DUSP22: variants seen among roughly 807,000 people sequenced by gnomAD.
The protein encoded by DUSP22 is dual specificity protein phosphatase 22.
Under a neutral mutation model 24.5 loss-of-function variants are expected in DUSP22, and 24 were observed. That is an observed-to-expected ratio of 0.98 (90% confidence interval 0.71 to 1.38). DUSP22 has a LOEUF of 1.38. DUSP22 is among the 40% of genes most tolerant of loss of function. DUSP22 has a pLI of 0.00. For missense variants in DUSP22, 330 were observed against 269.2 expected, an observed-to-expected ratio of 1.23 and a Z score of -1.58; for synonymous variants, 160 against 106.4, an observed-to-expected ratio of 1.50 and a Z score of -3.10.
intron 2 of DUSP22, among the ~76,000 whole-genome samples, chr6:307,794 C>T (rs900303042): frequency 2.0e-5 from 3 of 152,298 alleles, no homozygotes; most frequent in African/African-American, 4.8e-5. Context: ...AGACCATGTT[C>T]GCAGTCTTGA....
At chr6:306,409 T>A (rs112566857) in intron 2 of DUSP22, among the ~76,000 whole-genome samples, 2,122 of 151,662 alleles carry the variant, frequency 0.014, no homozygotes, top group African/African-American at 0.05. Flanking sequence ...CTACAAGCTA[T>A]ACCTGTTTTC....
At chr6:323,983 G>C (rs1254249262) in intron 3 of DUSP22, among the ~76,000 whole-genome samples, 1 of 152,304 alleles carries the variant, frequency 6.6e-6, no homozygotes, top group Non-Finnish European at 1.5e-5. Flanking sequence ...TCCACCCTAT[G>C]CCCTGAAGAA....
chr6:339,593 C>T (rs979917217), intron 4 of DUSP22, among the ~76,000 whole-genome samples: 1 of 152,280 alleles, frequency 6.6e-6, no homozygotes, highest in Non-Finnish European at 1.5e-5. Flanking sequence ...TGATCTCTGC[C>T]AGGCTATGGA....
chr6:348,194 C>G lies in DUSP22; in HGVS notation c.355C>G (p.Arg119Gly), dbSNP rs373816873. 2 of 1,614,306 alleles carry G rather than the reference C, an allele frequency of 1.2e-6. No individual in the cohort carries two copies. The highest frequency in any genetic ancestry group is 1.7e-6 in the Non-Finnish European group (2 of 1,180,054). Reference protein sequence around the residue: ...FGWEDALHTVRAGRSCANPNV... With the variant: ...FGWEDALHTVGAGRSCANPNV... ...CTGGGAGGATGCCCTGCACACCGTGCGTGCTGGGAGATCCTGTGCCAACCC... is the reference window on the plus strand; with the variant it reads ...CTGGGAGGATGCCCTGCACACCGTGGGTGCTGGGAGATCCTGTGCCAACCC... The change falls in exon 6 of 7, where the codon CGT becomes GGT. Residue 119 changes from arginine to glycine, a missense_variant. Coordinates refer to ENST00000419235, the MANE Select transcript of DUSP22 (RefSeq NM_001286555.3).
At chr6:331,521 G>A (rs868867955) in intron 3 of DUSP22, among the ~76,000 whole-genome samples, 21 of 152,404 alleles carry the variant, frequency 1.4e-4, no homozygotes, top group African/African-American at 2.4e-4. Context: ...CTTCAAAACC[G>A]GAGAGTGGTC....
chr6:307,852 C>G (rs1757882577), intron 2 of DUSP22, among the ~76,000 whole-genome samples: 1 of 152,298 alleles, frequency 6.6e-6, no homozygotes. Flanking sequence ...TGGTGGGTAC[C>G]CAGTTGTTTG....
chr6:319,531 G>T (rs1561661300), intron 3 of DUSP22, among the ~76,000 whole-genome samples: 1 of 152,306 alleles, frequency 6.6e-6, no homozygotes, highest in Non-Finnish European at 1.5e-5. Flanking sequence ...TGAATGATTG[G>T]ACACAAAATG....
chr6:297,160 G>T (rs1264866859), intron 1 of DUSP22, among the ~76,000 whole-genome samples: 7 of 152,300 alleles, frequency 4.6e-5, no homozygotes, highest in Non-Finnish European at 1.0e-4. Flanking sequence ...CTAAGCTTCA[G>T]GATTTTTTTC....
chr6:319,721 G>A (rs1160992731), intron 3 of DUSP22, among the ~76,000 whole-genome samples: 1 of 152,304 alleles, frequency 6.6e-6, no homozygotes, highest in African/African-American at 2.4e-5. Flanking sequence ...ACCAGTTGCT[G>A]TTTGACCTGG....
chr6:306,973 T>G (rs1209801354), intron 2 of DUSP22, among the ~76,000 whole-genome samples: 3 of 152,424 alleles, frequency 2.0e-5, no homozygotes, highest in South Asian at 4.1e-4. Context: ...CCTGGTGCCC[T>G]GATAAATAAG....
chr6:292,785 G>A (rs1205466435), intron 1 of DUSP22, among the ~76,000 whole-genome samples: 1 of 152,236 alleles, frequency 6.6e-6, no homozygotes, highest in East Asian at 1.9e-4. Context: ...CCAGCCGCCT[G>A]CCTTGCCAGC....
At chr6:344,340 C>T (rs530973754) in intron 4 of DUSP22, among the ~76,000 whole-genome samples, 23 of 152,412 alleles carry the variant, frequency 1.5e-4, no homozygotes, top group Admixed American at 3.9e-4. Flanking sequence ...GGCTGGAGTG[C>T]GGTGGCATGA....
intron 4 of DUSP22, among the ~76,000 whole-genome samples, chr6:343,590 C>T (rs987275041): frequency 1.0e-4 from 11 of 107,964 alleles, no homozygotes; most frequent in East Asian, 2.5e-4. Context: ...GGTCAGAGTC[C>T]GGAGTCCTTG....
intron 6 of DUSP22, chr6:348,509 AGTTTGTTTCT>A (rs1172709903): frequency 8.2e-6 from 7 of 851,386 alleles, no homozygotes; most frequent in Non-Finnish European, 1.3e-5. Context: ...ACTCCCTACT[AGTTTGTTTCT>A]CTCCCTTTGG....
chr6:294,476 G>A (rs62390170), intron 1 of DUSP22, among the ~76,000 whole-genome samples: 216 of 152,294 alleles, frequency 1.4e-3, no homozygotes, highest in Middle Eastern at 0.01. Flanking sequence ...AAAATGTTCC[G>A]GTAGCCACAT....
At chr6:303,375 C>T (rs1272207361) in intron 1 of DUSP22, among the ~76,000 whole-genome samples, 1 of 152,310 alleles carries the variant, frequency 6.6e-6, no homozygotes, top group African/African-American at 2.4e-5. Context: ...TCCCTCTGCA[C>T]AGAGACTAGC....
At chr6:324,523 A>C (rs1235565704) in intron 3 of DUSP22, among the ~76,000 whole-genome samples, 4 of 152,296 alleles carry the variant, frequency 2.6e-5, no homozygotes, top group African/African-American at 9.6e-5. Context: ...CGCTGTTCTC[A>C]TTTCTCTCCA....
intron 3 of DUSP22, among the ~76,000 whole-genome samples, chr6:324,246 C>A (rs1165075647): frequency 1.3e-5 from 2 of 152,296 alleles, no homozygotes; most frequent in East Asian, 3.8e-4. Context: ...CCGAGGTGAC[C>A]TAGGGCCTCC....
Position 292,511 on chromosome 6 carries a change from C to T in DUSP22, c.-29C>T, listed in dbSNP as rs1757132232. On this transcript the variant is annotated 5_prime_UTR_variant, in exon 1 of 7. Coordinates refer to ENST00000419235, the MANE Select transcript of DUSP22 (RefSeq NM_001286555.3). The stretch of plus-strand genomic sequence containing the variant: ...CATAGTGCGCCTGCGACCACACGGC[C>T]GGGGCGCTAGCGTTCGCCTTCAGCC... 2 of 1,604,704 alleles carry T rather than the reference C, an allele frequency of 1.2e-6. No individual in the cohort carries two copies. Among genetic ancestry groups the T allele is most frequent in the Admixed American group, 1.7e-5 (1 of 58,718 alleles).
Sources: allele counts gnomAD v4.1 joint callset (sites outside exome capture counted in the v4.1 genomes callset), GRCh38; gene constraint gnomAD v4.1.1; transcripts MANE v1.5; gene names NCBI Gene and HGNC (gene_info 2026-07-23, HGNC 2026-07-21).